Variants in HSF2BP observed in about 807,000 individuals in gnomAD.
The protein encoded by HSF2BP is heat shock factor 2-binding protein.
Under a neutral mutation model 35.0 loss-of-function variants are expected in HSF2BP, and 35 were observed. The observed-to-expected ratio is 1.00, with a 90% CI of 0.76 to 1.32. HSF2BP has a LOEUF of 1.32. Among genes scored for constraint, HSF2BP ranks in the 40% most tolerant of loss-of-function variants. The pLI, the probability that HSF2BP is intolerant of heterozygous loss-of-function variation, is 0.00. For missense variants in HSF2BP, 326 were observed against 321.7 expected (o/e 1.01, Z -0.10); for synonymous variants, 114 against 117.4 (o/e 0.97, Z 0.18).
At chr21:43,574,844 G>C (rs2081621993) in intron 8 of HSF2BP, among the ~76,000 whole-genome samples, 1 of 152,186 alleles carries the variant, frequency 6.6e-6, no homozygotes, top group Non-Finnish European at 1.5e-5. Context: ...TGGGACGGGG[G>C]TGCCGTCAAC....
intron 7 of HSF2BP, among the ~76,000 whole-genome samples, chr21:43,608,092 A>G (rs1037515167): frequency 1.3e-5 from 2 of 150,816 alleles, no homozygotes; most frequent in South Asian, 2.1e-4. Flanking sequence ...AAAATTGACA[A>G]TTGGGACATA....
chr21:43,640,383 T>A lies in HSF2BP; in HGVS notation c.291+3906A>T, dbSNP rs1386151151. Among the ~76,000 whole-genome samples, 3 of 152,314 alleles carry A rather than the reference T, an allele frequency of 2.0e-5. No individual in the cohort carries two copies. In the East Asian group the frequency reaches 5.8e-4, roughly 29 times the overall value. ...AAATTAGAGATGGAAAATGTATTAGTGATTGCCAGGGGCAAGGCAGAGGGA... is the reference window on the plus strand; with the variant it reads ...AAATTAGAGATGGAAAATGTATTAGAGATTGCCAGGGGCAAGGCAGAGGGA... On this transcript the variant is annotated intron_variant, in intron 4 of 8. Transcript: ENST00000291560.
chr21:43,575,786 C>T (rs2081635819), intron 8 of HSF2BP, among the ~76,000 whole-genome samples: 1 of 152,162 alleles, frequency 6.6e-6, no homozygotes, highest in Admixed American at 6.5e-5. Context: ...TTAGTGCACA[C>T]TAAAAGACAG....
chr21:43,603,012 A>ATAGGCAGC (rs2082069845), intron 7 of HSF2BP, among the ~76,000 whole-genome samples: 1 of 152,192 alleles, frequency 6.6e-6, no homozygotes, highest in South Asian at 2.1e-4. Flanking sequence ...TGGTAAAATC[A>ATAGGCAGC]TAGGCAGCGT....
At chr21:43,618,780 CAAA>C (rs35186292) in intron 6 of HSF2BP, among the ~76,000 whole-genome samples, 1 of 116,120 alleles carries the variant, frequency 8.6e-6, no homozygotes, top group African/African-American at 3.1e-5. Context: ...ACTAAAAATA[CAAA>C]AAAAAAAAAA....
At chr21:43,600,789 C>T (rs2082042406) in intron 7 of HSF2BP, among the ~76,000 whole-genome samples, 1 of 152,202 alleles carries the variant, frequency 6.6e-6, no homozygotes, top group Admixed American at 6.5e-5. Flanking sequence ...GTTGAATTCC[C>T]TTGGTGAACG....
At chr21:43,606,869 A>G (rs1446540311) in intron 7 of HSF2BP, among the ~76,000 whole-genome samples, 3 of 152,208 alleles carry the variant, frequency 2.0e-5, no homozygotes, top group Non-Finnish European at 4.4e-5. Context: ...GAAGAGAAAC[A>G]GCCTTTTAAA....
chr21:43,618,229 C>A (rs1353249899), intron 6 of HSF2BP, among the ~76,000 whole-genome samples: 1 of 151,960 alleles, frequency 6.6e-6, no homozygotes, highest in African/African-American at 2.4e-5. Context: ...CACTGTACTC[C>A]AGCCTGGGCA....
chr21:43,627,970 C>T (rs1323468342), intron 6 of HSF2BP, among the ~76,000 whole-genome samples: 2 of 152,116 alleles, frequency 1.3e-5, no homozygotes, highest in African/African-American at 4.8e-5. Context: ...TTTTAGGGCA[C>T]CATGAGCCAC....
At position 43,617,977 on chromosome 21, in the gene HSF2BP, G is replaced by A. The variant is rs977074856; in HGVS notation, c.575-4030C>T. On this transcript the variant is annotated intron_variant, in intron 6 of 8. Transcript: ENST00000291560. ...TCAAACAAAAAAGGAAATAAATCTG[G>A]GCCAAGCATAGTGGCTCACACCTAT... 1.3e-4 allele frequency among the ~76,000 whole-genome samples: 19 copies of A among 151,340 alleles called. 1 individual carries two copies. The East Asian group carries it at 1.4e-3, about 11-fold the overall frequency.
intron 7 of HSF2BP, among the ~76,000 whole-genome samples, chr21:43,595,077 A>G (rs970995892): frequency 1.3e-5 from 2 of 152,194 alleles, no homozygotes; most frequent in Non-Finnish European, 2.9e-5. Context: ...CCTGGCCAAC[A>G]TGGCAAAACC....
At chr21:43,495,599 C>T in the HSF2BP span, among the ~76,000 whole-genome samples, 2 of 115,634 alleles carry the variant, frequency 1.7e-5, 1 homozygote, top group Non-Finnish European at 3.8e-5. Context: ...GAGGCCACCT[C>T]GCTTGGACAA....
intron 3 of HSF2BP, among the ~76,000 whole-genome samples, chr21:43,650,471 C>T (rs1236146721): frequency 6.6e-6 from 1 of 151,984 alleles, no homozygotes; most frequent in Non-Finnish European, 1.5e-5. Flanking sequence ...TCCCAAAGTG[C>T]TGGGATTACA....
intron 3 of HSF2BP, among the ~76,000 whole-genome samples, chr21:43,645,593 A>G (rs1355619448): frequency 6.6e-6 from 1 of 152,188 alleles, no homozygotes; most frequent in African/African-American, 2.4e-5. Flanking sequence ...TCCCTCTCCT[A>G]ATCCTTGAAC....
intron 8 of HSF2BP, among the ~76,000 whole-genome samples, chr21:43,587,714 C>CA (rs933334601): frequency 8.0e-5 from 11 of 137,886 alleles, no homozygotes; most frequent in African/African-American, 1.9e-4. Flanking sequence ...GTCCCAGAAG[C>CA]AAAAAAAAAT....
chr21:43,576,291 A>G (rs1464790887), intron 8 of HSF2BP, among the ~76,000 whole-genome samples: 3 of 152,326 alleles, frequency 2.0e-5, no homozygotes, highest in East Asian at 3.9e-4. Context: ...AATTGTCTGC[A>G]AGCCTTAAAC....
chr21:43,592,197 C>G (rs371766774), intron 8 of HSF2BP, 28 bp downstream of exon 8: 1 of 1,460,566 alleles, frequency 6.8e-7, no homozygotes, highest in Non-Finnish European at 9.6e-7. Context: ...CCCGTACAAG[C>G]AGCTGGACAG....
At chr21:43,608,733 G>A (rs2082165704) in intron 7 of HSF2BP, among the ~76,000 whole-genome samples, 2 of 151,964 alleles carry the variant, frequency 1.3e-5, no homozygotes, top group Non-Finnish European at 2.9e-5. Flanking sequence ...AGGCTGAGGT[G>A]AAAGGATCAC....
intron 5 of HSF2BP, 68 bp downstream of exon 5, chr21:43,633,204 A>C: frequency 1.3e-6 from 2 of 1,497,016 alleles, no homozygotes; most frequent in Non-Finnish European, 1.8e-6. Context: ...ATGCCTTAAT[A>C]AGCTATATGC....
Sources: allele counts gnomAD v4.1 joint callset (sites outside exome capture counted in the v4.1 genomes callset), GRCh38; gene constraint gnomAD v4.1.1; transcripts MANE v1.5; gene names NCBI Gene and HGNC (gene_info 2026-07-23, HGNC 2026-07-21).